GREP1: variants seen among roughly 807,000 people sequenced by gnomAD.
GREP1 encodes the protein glycine rich extracellular protein 1.
chr16:2,995,305 C>T lies in GREP1; in HGVS notation c.506C>T (p.Ala169Val), dbSNP rs2072418911. The stretch of plus-strand genomic sequence containing the variant: ...AAAGGCTTTAGAGGGGACATGAAGG[C>T]ACAGGAGCCAGGTAAGCCTGGCTCT... Residue 169 changes from alanine (A) to valine (V), a missense_variant, in exon 14 of 35, where the codon GCA (alanine) becomes GTA (valine). Physicochemically the swap from Ala to Val is moderately conservative, Grantham distance 64. Transcript: ENST00000573315. 3 of 399,008 alleles carry T rather than the reference C, an allele frequency of 7.5e-6. No homozygotes were observed. The South Asian group carries it at 3.8e-4, about 51-fold the overall frequency. The allele number at this position is 399,008 out of a possible 1,614,324, so 24.7% of individuals were successfully genotyped here.
At position 2,996,481 on chromosome 16, in the gene GREP1, C is replaced by T. The variant is rs960813490; in HGVS notation, c.677-15C>T. ...GAATGCCGCCGTCTCACACCCTCCC[C>T]GTCCCTCCCCCTAGAATATGGCCAT... On this transcript the variant is annotated splice_polypyrimidine_tract_variant and intron_variant, in intron 18 of 34. Coordinates refer to ENST00000573315, the Ensembl canonical transcript of GREP1. 6.5e-5 allele frequency: 26 copies of T among 399,152 alleles called. No individual in the cohort carries two copies. The South Asian group carries it at 7.6e-4, about 12-fold the overall frequency. The allele number at this position is 399,152 out of a possible 1,614,324, so 24.7% of individuals were successfully genotyped here.
chr16:3,000,105 G>C (rs1355445204), exon 29 of GREP1: 1 of 399,082 alleles, frequency 2.5e-6, no homozygotes, highest in African/African-American at 2.1e-5. Flanking sequence ...GTGGCCTCGA[G>C]CCACAGAAAA....
intron 27 of GREP1, among the ~76,000 whole-genome samples, chr16:2,999,489 T>C (rs1438045779): frequency 6.7e-6 from 1 of 148,748 alleles, no homozygotes; most frequent in African/African-American, 2.5e-5. Flanking sequence ...CTTTTTTTTT[T>C]TTTTTTTTTT....
intron 32 of GREP1, 60 bp from the exon 27 acceptor site, chr16:3,000,653 AG>A (rs2151115056): frequency 2.5e-6 from 1 of 398,836 alleles, no homozygotes; most frequent in South Asian, 1.3e-4. Flanking sequence ...CAAGCCCAAC[AG>A]GGGCCAGGGG....
chr16:2,996,951 G>C (rs1238577655), exon 21 of GREP1: 5 of 399,140 alleles, frequency 1.3e-5, no homozygotes, highest in Non-Finnish European at 2.2e-5. Context: ...ACAGGCCTGG[G>C]AGCTCCAAAC....
In GREP1 at chr16:2,991,274, T is replaced by C. The variant is rs2072397999; in HGVS notation, c.322+173T>C. 2 of 395,264 alleles carry C rather than the reference T, an allele frequency of 5.1e-6. No homozygotes were observed. The highest frequency in any genetic ancestry group is 8.8e-5 in the Admixed American group (2 of 22,630). The allele number at this position is 395,264 out of a possible 1,614,324, so 24.5% of individuals were successfully genotyped here. ...TGGGCGTGAAACCTCCGAAGCCAGG[T>C]GAGGCAGAGCCCTGCCCCGCCTTGC... On this transcript the variant is annotated intron_variant, in intron 8 of 34. Coordinates refer to ENST00000573315, the Ensembl canonical transcript of GREP1. This position sits in a 1 kb window ranked among gnomAD's most constrained non-coding sequence, Gnocchi z 4.9.
At chr16:3,001,204 C>G in intron 33 of GREP1, 77 bp from the exon 28 acceptor site, 1 of 399,262 alleles carries the variant, frequency 2.5e-6, no homozygotes, top group Non-Finnish European at 4.4e-6. Flanking sequence ...GTGTCTCCCA[C>G]AGCCTGGGTT....
chr16:2,988,633 C>A lies in GREP1; in HGVS notation c.100+11C>A. On this transcript the variant is annotated intron_variant, in intron 2 of 34. Transcript: ENST00000573315. ...CTGGCCTGGGGAAAGGTAGGTGGGC[C>A]CTCTGGCACTGGGGTCAGGAAGAGT... 3 of 399,202 alleles carry A rather than the reference C, an allele frequency of 7.5e-6. No individual in the cohort carries two copies. Among genetic ancestry groups the A allele is most frequent in the Non-Finnish European group, 1.3e-5 (3 of 226,260 alleles). The allele number at this position is 399,202 out of a possible 1,614,324, so 24.7% of individuals were successfully genotyped here.
chr16:3,001,911 G>C (rs947266140), exon 35 of GREP1: 7 of 341,488 alleles, frequency 2.0e-5, no homozygotes, highest in East Asian at 1.3e-4. Flanking sequence ...ACCGCCTAGC[G>C]GGGGAACCAC....
chr16:2,996,087 C>T (rs1057136871), intron 18 of GREP1, among the ~76,000 whole-genome samples: 8 of 152,188 alleles, frequency 5.3e-5, no homozygotes, highest in African/African-American at 1.4e-4. Flanking sequence ...CACCCACCAC[C>T]GCACCTGGCT....
At chr16:3,000,420 C>T (rs1453441326) in intron 30 of GREP1, 5 of 399,122 alleles carry the variant, frequency 1.3e-5, no homozygotes, top group Non-Finnish European at 1.8e-5. Context: ...CCTCTGACAC[C>T]CTCTTTCCTC....
intron 23 of GREP1, among the ~76,000 whole-genome samples, 172 bp from the exon 22 acceptor site, chr16:2,998,184 C>A (rs1047272860): frequency 2.0e-5 from 3 of 152,060 alleles, no homozygotes; most frequent in Admixed American, 1.3e-4. Flanking sequence ...GTCCCCCACT[C>A]CAACCCCGCC....
chr16:3,000,611 A>G (rs1168634654), exon 32 of GREP1: 2 of 398,716 alleles, frequency 5.0e-6, no homozygotes, highest in African/African-American at 4.1e-5. Context: ...CCTGAAGGAA[A>G]TGGTAAGAAA....
At chr16:2,997,410 A>C in exon 22 of GREP1, 1 of 398,890 alleles carries the variant, frequency 2.5e-6, no homozygotes, top group East Asian at 3.6e-5. Context: ...CAGAATGGCT[A>C]CAGAGCAGGT....
chr16:2,991,112 G>C lies in GREP1; in HGVS notation c.322+11G>C, dbSNP rs562771790. On this transcript the variant is annotated intron_variant, in intron 8 of 34. Transcript: ENST00000573315. The surrounding 1 kb of genome is among the most constrained non-coding windows in gnomAD (Gnocchi z 4.9). ...CCGGAGCCCAGTCAGGTGAGGAAAC[G>C]TCGGGTGTGGCAGGACCTGGGCTTC... 2.8e-4 allele frequency: 113 copies of C among 399,162 alleles called. No homozygotes were observed. Among genetic ancestry groups the C allele is most frequent in the Non-Finnish European group, 4.7e-4 (106 of 226,326 alleles). 24.7% of individuals were successfully genotyped at this position (399,162 alleles called of 1,614,324 possible).
exon 31 of GREP1, chr16:3,000,457 T>G: frequency 2.5e-6 from 1 of 399,100 alleles, no homozygotes; most frequent in Non-Finnish European, 4.4e-6. Flanking sequence ...GGCCAATGGT[T>G]TTAGGAATAG....
chr16:2,997,191 C>T (rs74005563), intron 21 of GREP1, 106 bp downstream of exon 20: 4,861 of 398,822 alleles, frequency 0.012, 188 homozygotes, highest in African/African-American at 0.089. Flanking sequence ...GGCTGGGAGC[C>T]GAGCCAGTGA....
At chr16:2,996,912 C>T (rs929244272) in intron 20 of GREP1, 141 bp from the exon 20 acceptor site, 20 of 399,228 alleles carry the variant, frequency 5.0e-5, no homozygotes, top group Non-Finnish European at 8.0e-5. Context: ...CCCAGTGGCT[C>T]AGCCTTACCA....
At chr16:2,995,351 G>C in intron 14 of GREP1, 35 bp downstream of exon 15, 1 of 398,922 alleles carries the variant, frequency 2.5e-6, no homozygotes, top group African/African-American at 2.1e-5. Context: ...TGTCTCCCCA[G>C]TGTTCAGAGC....
Sources: allele counts gnomAD v4.1 joint callset (sites outside exome capture counted in the v4.1 genomes callset), GRCh38; gene constraint gnomAD v4.1.1; non-coding constraint Gnocchi (gnomAD v3.1); transcripts MANE v1.5; gene names NCBI Gene and HGNC (gene_info 2026-07-23, HGNC 2026-07-21).